Variants in FAM135B observed in about 807,000 individuals in gnomAD.
FAM135B encodes family with sequence similarity 135 member B.
FAM135B carries 43 observed loss-of-function variants against 127.7 expected under a neutral mutation model. The observed-to-expected ratio is 0.34, with a 90% CI of 0.26 to 0.43. The LOEUF (loss-of-function observed/expected upper bound fraction) is 0.43, where lower values mean the gene tolerates loss of function less well. Among genes scored for constraint, FAM135B ranks in the 20% least tolerant of loss-of-function variants. The pLI is 1.00. For synonymous variants in FAM135B, 670 were observed against 665.1 expected, an observed-to-expected ratio of 1.01 and a Z score of -0.11; for missense variants, 1,558 against 1,725.6, an observed-to-expected ratio of 0.90 and a Z score of 1.72.
At chr8:138,419,500 A>G (rs1048754615) in intron 1 of FAM135B, among the ~76,000 whole-genome samples, 7 of 152,182 alleles carry the variant, frequency 4.6e-5, no homozygotes, top group African/African-American at 1.7e-4. Flanking sequence ...ACACTTTACC[A>G]AAGTGACCTA....
chr8:138,407,652 T>C (rs1025515585), intron 1 of FAM135B, among the ~76,000 whole-genome samples: 90 of 152,288 alleles, frequency 5.9e-4, no homozygotes, highest in African/African-American at 2.0e-3. Flanking sequence ...AAACAAGCAG[T>C]GGGGAAAGGA....
At chr8:138,339,400 G>A (rs1828880868) in intron 2 of FAM135B, among the ~76,000 whole-genome samples, 1 of 146,152 alleles carries the variant, frequency 6.8e-6, no homozygotes, top group African/African-American at 2.7e-5. Context: ...AATCTCCAAT[G>A]TAAACTATTT....
chr8:138,280,083 C>T (rs956418544), intron 3 of FAM135B, among the ~76,000 whole-genome samples: 1 of 152,144 alleles, frequency 6.6e-6, no homozygotes, highest in East Asian at 1.9e-4. Context: ...GAGAATCCAA[C>T]CAAGGACCAG....
Position 138,162,257 on chromosome 8 carries a change from A to G in FAM135B, c.1258+5638T>C, listed in dbSNP as rs73718219. On this transcript the variant is annotated intron_variant, in intron 12 of 19. Transcript: ENST00000395297. Reference sequence around the variant, plus strand: ...TGGACTATGGCAAACCTATGAAGATAGTAAAAACACCAGTGGTTGCCAGGC... The same window carrying G: ...TGGACTATGGCAAACCTATGAAGATGGTAAAAACACCAGTGGTTGCCAGGC... 3.5e-3 allele frequency among the ~76,000 whole-genome samples: 529 copies of G among 152,326 alleles called. 3 individuals carry two copies. Among genetic ancestry groups the G allele is most frequent in the African/African-American group, 0.012 (506 of 41,578 alleles).
intron 1 of FAM135B, among the ~76,000 whole-genome samples, chr8:138,371,375 A>T (rs900974052): frequency 6.6e-6 from 1 of 152,094 alleles, no homozygotes; most frequent in Admixed American, 6.6e-5. Context: ...GATACATACA[A>T]TATGCATTGA....
chr8:138,143,211 G>A (rs1328119200), intron 15 of FAM135B, 102 bp from the exon 16 acceptor site: 3 of 679,782 alleles, frequency 4.4e-6, no homozygotes, highest in African/African-American at 1.8e-5. Context: ...CGCCTACTGG[G>A]GATGTGCCTA....
intron 12 of FAM135B, among the ~76,000 whole-genome samples, chr8:138,161,020 T>C (rs1244140386): frequency 6.6e-6 from 1 of 152,206 alleles, no homozygotes; most frequent in Admixed American, 6.5e-5. Flanking sequence ...TATTATCCTA[T>C]TAGAGGTCAC....
At chr8:138,445,940 A>G (rs550558792) in intron 1 of FAM135B, among the ~76,000 whole-genome samples, 1 of 152,328 alleles carries the variant, frequency 6.6e-6, no homozygotes, top group Non-Finnish European at 1.5e-5. Flanking sequence ...TAAGCTGATA[A>G]GCAACTTCAG....
chr8:138,461,584 G>A (rs975943), intron 1 of FAM135B, among the ~76,000 whole-genome samples: 100,217 of 152,088 alleles, frequency 0.66, 34,234 homozygotes, highest in East Asian at 0.99. Context: ...CTCTAATTCT[G>A]TAGAGCTAGC....
At chr8:138,476,677 A>G (rs1419085998) in intron 1 of FAM135B, among the ~76,000 whole-genome samples, 1 of 152,152 alleles carries the variant, frequency 6.6e-6, no homozygotes, top group Non-Finnish European at 1.5e-5. Flanking sequence ...CCACTTTCAG[A>G]AACTCCTTTC....
chr8:138,483,303 G>A (rs1814859077), intron 1 of FAM135B, among the ~76,000 whole-genome samples: 1 of 152,188 alleles, frequency 6.6e-6, no homozygotes, highest in Admixed American at 6.5e-5. Context: ...CAGAGAGGCT[G>A]AGCAACCTGT....
rs376035976 is a variant in FAM135B, at chr8:138,254,707, T to G, written c.368+1982A>C. Among the ~76,000 whole-genome samples, 53 of 152,236 alleles carry G rather than the reference T, an allele frequency of 3.5e-4. 1 individual carries two copies. In the East Asian group the frequency reaches 3.9e-3, roughly 11 times the overall value. On this transcript the variant is annotated intron_variant, in intron 5 of 19. Coordinates refer to ENST00000395297, the MANE Select transcript of FAM135B (RefSeq NM_015912.4). Reference sequence around the variant, plus strand: ...TATCCTGCTAAGGAGAAAGCAGATGTAATGAGAAAAGCAGGTGGCCAGAGG... The same window carrying G: ...TATCCTGCTAAGGAGAAAGCAGATGGAATGAGAAAAGCAGGTGGCCAGAGG...
At chr8:138,456,577 T>C (rs1836790010) in intron 1 of FAM135B, among the ~76,000 whole-genome samples, 1 of 152,138 alleles carries the variant, frequency 6.6e-6, no homozygotes, top group Non-Finnish European at 1.5e-5. Context: ...TCGTGGGTGG[T>C]GGGTTTATCT....
At chr8:138,238,884 AG>A (rs1820508989) in intron 7 of FAM135B, among the ~76,000 whole-genome samples, 1 of 152,234 alleles carries the variant, frequency 6.6e-6, no homozygotes, top group Admixed American at 6.5e-5. Context: ...GCACAGGAAA[AG>A]AATCAAGTCC....
At chr8:138,400,982 G>C (rs927280626) in intron 1 of FAM135B, among the ~76,000 whole-genome samples, 1 of 152,168 alleles carries the variant, frequency 6.6e-6, no homozygotes, top group Non-Finnish European at 1.5e-5. Flanking sequence ...GTGCACTTAA[G>C]AAACAACTTA....
chr8:138,478,078 C>T (rs1814596741), intron 1 of FAM135B, among the ~76,000 whole-genome samples: 1 of 152,060 alleles, frequency 6.6e-6, no homozygotes, highest in Non-Finnish European at 1.5e-5. Context: ...TTTTGTTATT[C>T]CAGCGGAACC....
At chr8:138,134,341 T>C (rs1816451972) in intron 19 of FAM135B, among the ~76,000 whole-genome samples, 1 of 152,218 alleles carries the variant, frequency 6.6e-6, no homozygotes, top group African/African-American at 2.4e-5. Context: ...ACAAATACCA[T>C]AATTTGTTTA....
At chr8:138,474,579 T>A (rs1246322110) in intron 1 of FAM135B, among the ~76,000 whole-genome samples, 1 of 152,072 alleles carries the variant, frequency 6.6e-6, no homozygotes, top group East Asian at 1.9e-4. Flanking sequence ...AATCCCCTGG[T>A]CTCCTTTCCT....
At position 138,497,208 on chromosome 8, in the gene FAM135B, C is replaced by A. The variant is rs1030672788; in HGVS notation, c.-557G>T. Among the ~76,000 whole-genome samples the A allele has an allele frequency of 1.3e-5, 2 of 151,036 alleles. No individual in the cohort carries two copies. Among genetic ancestry groups the A allele is most frequent in the South Asian group, 2.1e-4 (1 of 4,826 alleles). On this transcript the variant is annotated 5_prime_UTR_variant, in exon 1 of 20. Transcript: ENST00000395297. ...CCGGGAGAGCCCGCCCTGCTGCTCCCGCTGGCTCCGCTCCGCAGCCGCTGC... is the reference window on the plus strand; with the variant it reads ...CCGGGAGAGCCCGCCCTGCTGCTCCAGCTGGCTCCGCTCCGCAGCCGCTGC...
Sources: allele counts gnomAD v4.1 joint callset (sites outside exome capture counted in the v4.1 genomes callset), GRCh38; gene constraint gnomAD v4.1.1; transcripts MANE v1.5; gene names NCBI Gene and HGNC (gene_info 2026-07-23, HGNC 2026-07-21).